Variants in MYOZ3 observed in about 807,000 individuals in gnomAD.
MYOZ3 encodes the protein myozenin-3.
In MYOZ3, 19 loss-of-function variants were observed where a neutral mutation model predicts 26.5. The observed-to-expected ratio is 0.72, with a 90% CI of 0.50 to 1.05. The LOEUF is 1.05. Ranked by LOEUF, MYOZ3 falls within the 50% of genes least tolerant of loss-of-function variation. The pLI, the probability that MYOZ3 is intolerant of heterozygous loss-of-function variation, is 0.00. For missense variants in MYOZ3, 322 were observed against 337.1 expected, an observed-to-expected ratio of 0.96 and a Z score of 0.35; for synonymous variants, 135 against 138.8, an observed-to-expected ratio of 0.97 and a Z score of 0.19.
chr5:150,669,531 C>A (rs1758867023), intron 2 of MYOZ3, among the ~76,000 whole-genome samples: 1 of 151,000 alleles, frequency 6.6e-6, no homozygotes, highest in Admixed American at 6.6e-5. Context: ...AGGACATACA[C>A]TAAGGTGTTA....
chr5:150,669,567 T>G (rs1176675844), intron 2 of MYOZ3, among the ~76,000 whole-genome samples: 1 of 148,256 alleles, frequency 6.7e-6, no homozygotes, highest in African/African-American at 2.6e-5. Flanking sequence ...GGGTGATAGA[T>G]AATGGTATTT....
At chr5:150,672,738 A>G (rs962538835) in intron 6 of MYOZ3, 4 of 504,714 alleles carry the variant, frequency 7.9e-6, no homozygotes, top group Non-Finnish European at 1.4e-5. Context: ...TCTCCAGGAC[A>G]TGGTGGGCGG....
At position 150,676,895 on chromosome 5, in the gene MYOZ3, T is replaced by C. The variant is rs1315490560; in HGVS notation, c.*20T>C. ...CTGTAGCCCTAGCCTGAATCTTCAG[T>C]TCCCCAGTCTCGGGGGCCTGGTAAC... On this transcript the variant is annotated 3_prime_UTR_variant, in exon 7 of 7. Coordinates refer to ENST00000517768, the MANE Select transcript of MYOZ3 (RefSeq NM_001122853.3). 6.3e-7 allele frequency: 1 copy of C among 1,591,550 alleles called. No individual in the cohort carries two copies. Among genetic ancestry groups the C allele is most frequent in the Admixed American group, 1.7e-5 (1 of 58,938 alleles).
Position 150,671,758 on chromosome 5 carries a change from G to T in MYOZ3, c.274G>T (p.Ala92Ser). Residue 92 changes from alanine (A) to serine (S), a missense_variant, in exon 5 of 7, where the codon GCC becomes TCC. Physicochemically the swap from Ala to Ser is moderately conservative, Grantham distance 99 (BLOSUM62 1). Coordinates refer to ENST00000517768, the MANE Select transcript of MYOZ3 (RefSeq NM_001122853.3). ...VTGTAESGTV[A>S]NANGPEGPNY... Reference sequence around the variant, plus strand: ...GAGAACCCGCCCCTGTGCCCAGGTTGCCAATGCCAATGGCCCTGAGGGGCC... The same window carrying T: ...GAGAACCCGCCCCTGTGCCCAGGTTTCCAATGCCAATGGCCCTGAGGGGCC... 1 of 1,613,344 alleles carries T rather than the reference G, an allele frequency of 6.2e-7. No individual in the cohort carries two copies.
At chr5:150,665,663 A>G (rs1455474659) in intron 2 of MYOZ3, among the ~76,000 whole-genome samples, 1 of 151,912 alleles carries the variant, frequency 6.6e-6, no homozygotes, top group Non-Finnish European at 1.5e-5. Context: ...TCCTGGGCCC[A>G]AGCAATCCAC....
At chr5:150,665,988 T>A (rs1350576714) in intron 2 of MYOZ3, among the ~76,000 whole-genome samples, 3 of 144,510 alleles carry the variant, frequency 2.1e-5, no homozygotes, top group Admixed American at 7.1e-5. Flanking sequence ...TGAGCCGAGA[T>A]CATGCCATTG....
At chr5:150,669,633 CTTTTTTTTTTT>C (rs532402882) in intron 2 of MYOZ3, among the ~76,000 whole-genome samples, 3,575 of 47,706 alleles carry the variant, frequency 0.075, 143 homozygotes, top group South Asian at 0.16. Context: ...CCCATATATG[CTTTTTTTTTTT>C]TTTTTTTTTT....
rs922308102 is a variant in MYOZ3, at chr5:150,676,842, G to A, written c.723G>A (p.Trp241Ter). The change falls in exon 7 of 7, where the codon TGG becomes TGA. Residue 241 changes from tryptophan (W) to a stop codon, truncating the protein, a stop_gained. Transcript: ENST00000517768. LOFTEE classifies it high-confidence loss of function. ...GCTTCAACAGAGTGGCCCAGGGCTG[G>A]GTCCGTAACCTCCCAGAGTCCGAGG... ...RPSFNRVAQG[W>*]VRNLPESEEL The A allele has an allele frequency of 1.2e-6, 2 of 1,613,028 alleles. No individual in the cohort carries two copies. Among genetic ancestry groups the A allele is most frequent in the African/African-American group, 2.7e-5 (2 of 74,830 alleles).
chr5:150,665,525 A>G (rs918090887), intron 2 of MYOZ3, among the ~76,000 whole-genome samples: 6 of 152,216 alleles, frequency 3.9e-5, no homozygotes, highest in African/African-American at 1.4e-4. Flanking sequence ...ATCTTTGGAC[A>G]TATTTATTCA....
intron 2 of MYOZ3, among the ~76,000 whole-genome samples, chr5:150,667,792 G>A (rs1383473454): frequency 2.0e-5 from 3 of 152,104 alleles, no homozygotes; most frequent in Non-Finnish European, 4.4e-5. Context: ...CATACAAGTA[G>A]GGAGTACATG....
intron 6 of MYOZ3, among the ~76,000 whole-genome samples, chr5:150,676,102 G>T (rs1301708980): frequency 6.6e-6 from 1 of 152,126 alleles, no homozygotes; most frequent in Non-Finnish European, 1.5e-5. Context: ...TGGGCCTTTT[G>T]TCCTAAGGGG....
At chr5:150,663,539 C>G (rs1758766481) in intron 2 of MYOZ3, among the ~76,000 whole-genome samples, 1 of 152,200 alleles carries the variant, frequency 6.6e-6, no homozygotes, top group Non-Finnish European at 1.5e-5. Flanking sequence ...ACAAAACTTT[C>G]TACTTAAAGC....
intron 3 of MYOZ3, 115 bp downstream of exon 3, chr5:150,670,753 G>C: frequency 3.0e-6 from 3 of 1,006,050 alleles, no homozygotes; most frequent in Non-Finnish European, 4.2e-6. Flanking sequence ...ATCAGATTAG[G>C]CTCCTGCCTT....
At chr5:150,662,752 C>G (rs571011114) in intron 1 of MYOZ3, among the ~76,000 whole-genome samples, 189 bp from the exon 2 acceptor site, 1 of 152,228 alleles carries the variant, frequency 6.6e-6, no homozygotes, top group East Asian at 1.9e-4. Flanking sequence ...ACCTCCCTCT[C>G]GTTCCCTGGG....
At position 150,676,699 on chromosome 5, in the gene MYOZ3, T is replaced by C. The variant is rs1561672906; in HGVS notation, c.588-8T>C. 1 of 1,612,972 alleles carries C rather than the reference T, an allele frequency of 6.2e-7. No individual in the cohort carries two copies. Among genetic ancestry groups the C allele is most frequent in the South Asian group, 1.1e-5 (1 of 90,976 alleles). On this transcript the variant is annotated splice_region_variant and splice_polypyrimidine_tract_variant and intron_variant, in intron 6 of 6. Transcript: ENST00000517768. ...CAGCCCACCTCTCCTGCTGCTCTCTTTCTCCAGGACCCCGGTGCCATTTGG... is the reference window on the plus strand; with the variant it reads ...CAGCCCACCTCTCCTGCTGCTCTCTCTCTCCAGGACCCCGGTGCCATTTGG...
chr5:150,676,909 G>A lies in MYOZ3; in HGVS notation c.*34G>A. 1 of 1,582,684 alleles carries A rather than the reference G, an allele frequency of 6.3e-7. No individual in the cohort carries two copies. Among genetic ancestry groups the A allele is most frequent in the East Asian group, 2.3e-5 (1 of 44,422 alleles). ...TGAATCTTCAGTTCCCCAGTCTCGGGGGCCTGGTAACATCCGGAGCCAAGA... is the reference window on the plus strand; with the variant it reads ...TGAATCTTCAGTTCCCCAGTCTCGGAGGCCTGGTAACATCCGGAGCCAAGA... On this transcript the variant is annotated 3_prime_UTR_variant, in exon 7 of 7. Coordinates refer to ENST00000517768, the MANE Select transcript of MYOZ3 (RefSeq NM_001122853.3).
chr5:150,671,696 G>A (rs990091310), intron 4 of MYOZ3, 46 bp downstream of exon 4: 2 of 1,613,568 alleles, frequency 1.2e-6, no homozygotes, highest in Non-Finnish European at 8.5e-7. Flanking sequence ...GGGGGAAGGG[G>A]AGCGCGGCTG....
intron 6 of MYOZ3, among the ~76,000 whole-genome samples, chr5:150,673,985 G>T (rs1034454618): frequency 3.9e-5 from 6 of 152,176 alleles, no homozygotes; most frequent in African/African-American, 1.4e-4. Flanking sequence ...GCCTAGCTAG[G>T]CCTGGAAAAT....
intron 6 of MYOZ3, among the ~76,000 whole-genome samples, chr5:150,675,251 T>TGTGTGTGTGTGTGTGTGTGTG (rs1264307768): frequency 1.3e-5 from 2 of 152,180 alleles, no homozygotes; most frequent in African/African-American, 4.8e-5. Context: ...GGTGTGTGTG[T>TGTGTGTGTGTGTGTGTGTGTG]TAATACTTTG....
Sources: gnomAD v4.1 joint callset for allele counts (sites outside exome capture counted in the v4.1 genomes callset) on GRCh38, gnomAD v4.1.1 for gene constraint, MANE v1.5 for transcripts, NCBI Gene and HGNC (gene_info 2026-07-23, HGNC 2026-07-21) for gene names.